Variants in SEMA3C observed in about 807,000 individuals in gnomAD.
SEMA3C encodes the protein semaphorin-3C.
In SEMA3C, 47 loss-of-function variants were observed where a neutral mutation model predicts 89.4. The ratio of observed to expected loss-of-function variants is 0.53; its 90% confidence interval spans 0.42 to 0.67. The LOEUF (loss-of-function observed/expected upper bound fraction) is 0.67, where lower values mean the gene tolerates loss of function less well. SEMA3C is among the 30% of genes least tolerant of loss of function. The pLI, the probability that SEMA3C is intolerant of heterozygous loss-of-function variation, is 0.00. For missense variants in SEMA3C, 839 were observed against 929.1 expected (o/e 0.90, Z 1.26); for synonymous variants, 310 against 320.2 (o/e 0.97, Z 0.34).
intron 2 of SEMA3C, among the ~76,000 whole-genome samples, chr7:80,902,336 A>C (rs958876215): frequency 2.0e-5 from 3 of 152,176 alleles, no homozygotes; most frequent in African/African-American, 7.2e-5. Flanking sequence ...CTAAGTACTC[A>C]ATTTGTGTTC....
Position 80,916,661 on chromosome 7 carries a change from G to A in SEMA3C, c.103+18C>T, listed in dbSNP as rs200682061. On this transcript the variant is annotated intron_variant, in intron 2 of 17. Transcript: ENST00000265361. ...CTTAAAATAACATTTTTCCCAGAGT[G>A]TTTATCAACTCTCTTACCATCAAAT... 1 of 1,598,738 alleles carries A rather than the reference G, an allele frequency of 6.3e-7. No individual in the cohort carries two copies. Among genetic ancestry groups the A allele is most frequent in the East Asian group, 2.2e-5 (1 of 44,596 alleles).
At chr7:80,749,748 T>A (rs1027664855) in intron 16 of SEMA3C, among the ~76,000 whole-genome samples, 1 of 152,134 alleles carries the variant, frequency 6.6e-6, no homozygotes, top group African/African-American at 2.4e-5. Flanking sequence ...AGGTGGTAGC[T>A]TAGACATGGA....
chr7:80,750,820 T>C (rs1271882482), intron 16 of SEMA3C, among the ~76,000 whole-genome samples: 1 of 152,008 alleles, frequency 6.6e-6, no homozygotes, highest in African/African-American at 2.4e-5. Flanking sequence ...TGACTGGCAG[T>C]ATGTTGCACA....
intron 17 of SEMA3C, among the ~76,000 whole-genome samples, chr7:80,746,861 T>C (rs1787813950): frequency 6.6e-6 from 1 of 152,056 alleles, no homozygotes; most frequent in Admixed American, 6.6e-5. Context: ...ATTAGTATTA[T>C]TCAATAGATA....
intron 2 of SEMA3C, among the ~76,000 whole-genome samples, chr7:80,869,389 T>C (rs995821187): frequency 4.6e-5 from 7 of 152,220 alleles, no homozygotes; most frequent in Non-Finnish European, 1.0e-4. Context: ...ATGTTAAAGA[T>C]ACAAATTTGC....
intron 1 of SEMA3C, 136 bp downstream of exon 1, chr7:80,918,692 C>T: frequency 4.4e-6 from 2 of 451,476 alleles, no homozygotes; most frequent in Non-Finnish European, 5.8e-6. Flanking sequence ...AAGGGGAAAG[C>T]TTCCCTGACA....
chr7:80,833,148 ATCCAGGCCTGGC>A, intron 2 of SEMA3C, among the ~76,000 whole-genome samples: 1 of 152,218 alleles, frequency 6.6e-6, no homozygotes, highest in Middle Eastern at 3.4e-3. Flanking sequence ...AAAATCGTCA[ATCCAGGCCTGGC>A]ACGGTGGCTC....
chr7:80,893,805 T>C (rs935062278), intron 2 of SEMA3C, among the ~76,000 whole-genome samples: 1 of 152,110 alleles, frequency 6.6e-6, no homozygotes, highest in Admixed American at 6.6e-5. Context: ...GGTATATACA[T>C]AATTCCTGGA....
At chr7:80,769,742 C>T (rs1038185184) in intron 12 of SEMA3C, among the ~76,000 whole-genome samples, 20 of 151,528 alleles carry the variant, frequency 1.3e-4, no homozygotes, top group African/African-American at 4.4e-4. Context: ...GCCTGTAAAT[C>T]CAGTTACTGA....
At chr7:80,773,238 G>A (rs13222151) in intron 12 of SEMA3C, among the ~76,000 whole-genome samples, 2,581 of 151,934 alleles carry the variant, frequency 0.017, 32 homozygotes, top group Non-Finnish European at 0.025. Flanking sequence ...ATATTCAGGG[G>A]AAGTCTTCAA....
chr7:80,744,813 G>T lies in SEMA3C; in HGVS notation c.*81C>A. 1.3e-6 allele frequency: 2 copies of T among 1,498,850 alleles called. No homozygotes were observed. Among genetic ancestry groups the T allele is most frequent in the Non-Finnish European group, 1.8e-6 (2 of 1,084,168 alleles). The allele number at this position is 1,498,850 out of a possible 1,614,324, so 92.8% of individuals were successfully genotyped here. ...TTTTTCAGTAATTCCCCTTGGTAAA[G>T]CACAAGTTTCTTTGCTCAAAATTTG... On this transcript the variant is annotated 3_prime_UTR_variant, in exon 18 of 18. Coordinates refer to ENST00000265361, the MANE Select transcript of SEMA3C (RefSeq NM_006379.5).
In SEMA3C at chr7:80,821,855, A is replaced by G. The variant is rs540407246; in HGVS notation, c.328-3437T>C. On this transcript the variant is annotated intron_variant, in intron 4 of 17. Coordinates refer to ENST00000265361, the MANE Select transcript of SEMA3C (RefSeq NM_006379.5). ...AAGTAACTAAACTGGGACTTGAACC[A>G]TGGCCACTCTCCACTGTGCAGCTTT... 2.0e-5 allele frequency among the ~76,000 whole-genome samples: 3 copies of G among 152,264 alleles called. No homozygotes were observed. The East Asian group carries it at 5.8e-4, about 29-fold the overall frequency.
chr7:80,914,095 C>T (rs1419598749), intron 2 of SEMA3C, among the ~76,000 whole-genome samples: 1 of 152,136 alleles, frequency 6.6e-6, no homozygotes, highest in African/African-American at 2.4e-5. Context: ...ACAAGTAATG[C>T]AAATGACCTC....
At chr7:80,761,839 T>C (rs994847668) in intron 13 of SEMA3C, among the ~76,000 whole-genome samples, 182 bp from the exon 14 acceptor site, 6 of 152,090 alleles carry the variant, frequency 3.9e-5, no homozygotes, top group African/African-American at 1.4e-4. Context: ...ACACTTCCTC[T>C]TTAGAAACTA....
At chr7:80,760,218 A>G (rs1788154767) in intron 14 of SEMA3C, among the ~76,000 whole-genome samples, 1 of 152,228 alleles carries the variant, frequency 6.6e-6, no homozygotes, top group Non-Finnish European at 1.5e-5. Context: ...TTTTAATGAG[A>G]CATTTTAAAT....
intron 2 of SEMA3C, among the ~76,000 whole-genome samples, chr7:80,868,611 T>A (rs560254422): frequency 5.9e-5 from 9 of 152,292 alleles, no homozygotes; most frequent in South Asian, 4.1e-4. Flanking sequence ...ATTAATATAT[T>A]ATTTAATCAT....
At chr7:80,900,414 C>T (rs2116193725) in intron 2 of SEMA3C, among the ~76,000 whole-genome samples, 1 of 152,262 alleles carries the variant, frequency 6.6e-6, no homozygotes. Context: ...TGCCCAACTA[C>T]ATTTAGTATG....
chr7:80,824,145 C>T (rs1417235038), intron 4 of SEMA3C, among the ~76,000 whole-genome samples: 1 of 152,064 alleles, frequency 6.6e-6, no homozygotes, highest in African/African-American at 2.4e-5. Flanking sequence ...TTAAGGGATG[C>T]TTAACTCTGT....
chr7:80,834,299 G>A (rs764228233), intron 2 of SEMA3C, among the ~76,000 whole-genome samples: 1 of 151,836 alleles, frequency 6.6e-6, no homozygotes, highest in Non-Finnish European at 1.5e-5. Flanking sequence ...TGTTCCCTGG[G>A]GTAAAATTTG....
Sources: allele counts gnomAD v4.1 joint callset (sites outside exome capture counted in the v4.1 genomes callset), GRCh38; gene constraint gnomAD v4.1.1; transcripts MANE v1.5; gene names NCBI Gene and HGNC (gene_info 2026-07-23, HGNC 2026-07-21).